The following MCTP2 variants were observed in gnomAD, a reference collection of about 807,000 sequenced individuals.
MCTP2 encodes the protein multiple C2 and transmembrane domain-containing protein 2.
MCTP2 carries 132 observed loss-of-function variants against 111.6 expected under a neutral mutation model. The observed-to-expected ratio is 1.18, with a 90% confidence interval of 1.03 to 1.37. The LOEUF (loss-of-function observed/expected upper bound fraction) is 1.37. Ranked by LOEUF, MCTP2 falls within the 40% of genes most tolerant of loss-of-function variation. The pLI, the probability that MCTP2 is intolerant of heterozygous loss-of-function variation, is 0.00. For missense variants in MCTP2, 1,183 were observed against 1,067.9 expected (o/e 1.11, Z -1.50); for synonymous variants, 395 against 387.7 (o/e 1.02, Z -0.22).
chr15:94,406,664 G>A (rs1028874022), intron 17 of MCTP2, among the ~76,000 whole-genome samples: 1 of 152,122 alleles, frequency 6.6e-6, no homozygotes, highest in Non-Finnish European at 1.5e-5. Context: ...TGGCATCCTT[G>A]GAATCCAGCT....
chr15:94,381,302 CTT>C (rs1456032648), intron 12 of MCTP2, among the ~76,000 whole-genome samples: 1 of 152,150 alleles, frequency 6.6e-6, no homozygotes, highest in African/African-American at 2.4e-5. Flanking sequence ...ATTTTAATGT[CTT>C]TGTTTCTTCT....
chr15:94,285,161 C>G (rs535414076), intron 1 of MCTP2, among the ~76,000 whole-genome samples: 2 of 152,288 alleles, frequency 1.3e-5, no homozygotes, highest in East Asian at 3.9e-4. Context: ...AGTTCTCTCT[C>G]TGTGGAGTCA....
chr15:94,397,545 G>A (rs565899250), intron 14 of MCTP2, among the ~76,000 whole-genome samples: 30 of 152,290 alleles, frequency 2.0e-4, no homozygotes, highest in Admixed American at 1.4e-3. Context: ...TTTGGACACC[G>A]TTTAGGAAGG....
chr15:94,440,061 C>A, intron 17 of MCTP2, 115 bp from the exon 18 acceptor site: 1 of 1,208,372 alleles, frequency 8.3e-7, no homozygotes, highest in Non-Finnish European at 1.2e-6. Flanking sequence ...GGAAATGTTT[C>A]TGAATGTGAC....
At chr15:94,403,058 C>A (rs16949097) in intron 17 of MCTP2, 49,712 of 987,540 alleles carry the variant, frequency 0.05, 1,695 homozygotes, top group African/African-American at 0.16. Flanking sequence ...ATTTTTATGC[C>A]ATCAAGTATA....
At chr15:94,455,125 ATTATT>A (rs1366424130) in intron 19 of MCTP2, among the ~76,000 whole-genome samples, 6 of 152,100 alleles carry the variant, frequency 3.9e-5, no homozygotes, top group African/African-American at 1.4e-4. Flanking sequence ...CCCTGCCTAG[ATTATT>A]TTAATTTATG....
At chr15:94,243,473 G>C (rs1444755949) in intron 1 of MCTP2, among the ~76,000 whole-genome samples, 1 of 136,954 alleles carries the variant, frequency 7.3e-6, no homozygotes, top group Non-Finnish European at 1.6e-5. Context: ...GCGTATATGC[G>C]TATGTACACA....
intron 17 of MCTP2, among the ~76,000 whole-genome samples, chr15:94,409,606 T>A (rs1428579693): frequency 6.6e-6 from 1 of 152,042 alleles, no homozygotes; most frequent in Non-Finnish European, 1.5e-5. Flanking sequence ...TTTAGGATCT[T>A]CAATCTTAAA....
At chr15:94,440,898 A>C (rs1426239144) in intron 18 of MCTP2, among the ~76,000 whole-genome samples, 1 of 151,996 alleles carries the variant, frequency 6.6e-6, no homozygotes, top group Non-Finnish European at 1.5e-5. Context: ...GCATCTACTC[A>C]TCTCACTTCC....
chr15:94,428,848 A>G (rs2083017455), intron 17 of MCTP2, among the ~76,000 whole-genome samples: 1 of 152,180 alleles, frequency 6.6e-6, no homozygotes, highest in South Asian at 2.1e-4. Flanking sequence ...CTCAGATCAC[A>G]TAGTCCATCT....
chr15:94,285,135 G>A (rs2074690482), intron 1 of MCTP2, among the ~76,000 whole-genome samples: 1 of 152,130 alleles, frequency 6.6e-6, no homozygotes, highest in Non-Finnish European at 1.5e-5. Flanking sequence ...GAAGAACCCA[G>A]GCATAAACTT....
chr15:94,337,180 A>G (rs1265559924), intron 4 of MCTP2, among the ~76,000 whole-genome samples: 1 of 152,072 alleles, frequency 6.6e-6, no homozygotes, highest in African/African-American at 2.4e-5. Flanking sequence ...TTCCCTAACA[A>G]TTAACGCGGC....
chr15:94,477,800 T>G (rs1378065561), intron 22 of MCTP2, among the ~76,000 whole-genome samples: 1 of 152,206 alleles, frequency 6.6e-6, no homozygotes, highest in Admixed American at 6.5e-5. Flanking sequence ...ATTCATTTCA[T>G]AATTAGCTGT....
chr15:94,395,504 G>A (rs1213499542), intron 14 of MCTP2, among the ~76,000 whole-genome samples: 4 of 152,230 alleles, frequency 2.6e-5, no homozygotes, highest in South Asian at 2.1e-4. Context: ...TTATAGGAAA[G>A]CATAATAATG....
intron 9 of MCTP2, 78 bp from the exon 10 acceptor site, chr15:94,358,404 T>C (rs987138982): frequency 1.5e-6 from 2 of 1,340,210 alleles, no homozygotes; most frequent in African/African-American, 2.9e-5. Context: ...TGCAGTTTAA[T>C]GATGAAATTA....
At chr15:94,349,212 G>A (rs1453120766) in intron 8 of MCTP2, among the ~76,000 whole-genome samples, 1 of 152,136 alleles carries the variant, frequency 6.6e-6, no homozygotes, top group Non-Finnish European at 1.5e-5. Flanking sequence ...CCTGGAAGCT[G>A]TAGCCTTGTT....
chr15:94,470,377 T>G lies in MCTP2; in HGVS notation c.2405T>G (p.Leu802Trp). ...TVPFLSSLAC[L>W]ILAAATIILY... Reference sequence around the variant, plus strand: ...CCCTTCCTTTCATCTCTGGCCTGTTTGATTCTGGCAGCAGCCACCATCATT... The same window carrying G: ...CCCTTCCTTTCATCTCTGGCCTGTTGGATTCTGGCAGCAGCCACCATCATT... Residue 802 changes from leucine to tryptophan, a missense_variant, in exon 21 of 23, where the codon TTG (leucine) becomes TGG (tryptophan). Leu to Trp is a moderately conservative substitution (Grantham distance 61). Coordinates refer to ENST00000357742, the MANE Select transcript of MCTP2 (RefSeq NM_001385001.1). The G allele has an allele frequency of 1.9e-6, 3 of 1,614,048 alleles. No individual in the cohort carries two copies. The highest frequency in any genetic ancestry group is 2.5e-6 in the Non-Finnish European group (3 of 1,179,898).
chr15:94,421,504 T>G (rs972678235), intron 17 of MCTP2, among the ~76,000 whole-genome samples: 2 of 152,206 alleles, frequency 1.3e-5, no homozygotes, highest in East Asian at 3.8e-4. Context: ...AGGGCTCTTT[T>G]TCCATCTGGA....
intron 1 of MCTP2, among the ~76,000 whole-genome samples, chr15:94,248,728 G>A (rs2072194414): frequency 6.6e-6 from 1 of 152,098 alleles, no homozygotes; most frequent in Admixed American, 6.6e-5. Flanking sequence ...TACGAAATTT[G>A]AATTGTTTGG....
Sources: gnomAD v4.1 joint callset for allele counts (sites outside exome capture counted in the v4.1 genomes callset) on GRCh38, gnomAD v4.1.1 for gene constraint, MANE v1.5 for transcripts, NCBI Gene and HGNC (gene_info 2026-07-23, HGNC 2026-07-21) for gene names.